The following ZNF83 variants were observed in gnomAD, a reference collection of about 807,000 sequenced individuals.
ZNF83 encodes zinc finger protein 816B.
For missense variants in ZNF83, 552 were observed against 629.9 expected, an observed-to-expected ratio of 0.88 and a Z score of 1.32; for synonymous variants, 209 against 213.0, an observed-to-expected ratio of 0.98 and a Z score of 0.17.
At chr19:52,690,054 C>G (rs1017301651) in intron 1 of ZNF83, among the ~76,000 whole-genome samples, 1 of 152,156 alleles carries the variant, frequency 6.6e-6, no homozygotes, top group African/African-American at 2.4e-5. Context: ...CTCCCCGGGA[C>G]AGGGGCCGCG....
chr19:52,624,353 A>T (rs2060658127), intron 2 of ZNF83, among the ~76,000 whole-genome samples: 1 of 152,310 alleles, frequency 6.6e-6, no homozygotes, highest in Admixed American at 6.5e-5. Context: ...GAAAACATGC[A>T]TGCTATCCCT....
chr19:52,656,212 C>CAT (rs2061502341), intron 2 of ZNF83, among the ~76,000 whole-genome samples: 1 of 93,922 alleles, frequency 1.1e-5, no homozygotes, highest in Non-Finnish European at 2.2e-5. Context: ...GACTCCGTCT[C>CAT]TCTCTCTCTC....
chr19:52,617,261 T>A (rs1355919054), intron 2 of ZNF83: 3 of 152,204 alleles, frequency 2.0e-5, no homozygotes, highest in Non-Finnish European at 4.4e-5. Flanking sequence ...CACTTGGTAA[T>A]CCTTCCTAGA....
chr19:52,627,290 G>GTCTC (rs2060777684), intron 2 of ZNF83, among the ~76,000 whole-genome samples: 1 of 152,110 alleles, frequency 6.6e-6, no homozygotes, highest in Admixed American at 6.5e-5. Flanking sequence ...CTATTTGGTG[G>GTCTC]TCTCTTCACA....
At chr19:52,689,075 G>C (rs1260393098) in intron 1 of ZNF83, among the ~76,000 whole-genome samples, 1 of 151,870 alleles carries the variant, frequency 6.6e-6, no homozygotes, top group Admixed American at 6.6e-5. Context: ...CTTTGATGCA[G>C]CTACAAGGCC....
At chr19:52,688,356 A>G (rs2062083262) in intron 1 of ZNF83, among the ~76,000 whole-genome samples, 1 of 148,216 alleles carries the variant, frequency 6.7e-6, no homozygotes, top group Admixed American at 6.7e-5. Context: ...TTTTTTTGGC[A>G]GAGATAAGGA....
chr19:52,621,611 C>T (rs2060550651), intron 2 of ZNF83, among the ~76,000 whole-genome samples: 2 of 152,038 alleles, frequency 1.3e-5, no homozygotes, highest in Non-Finnish European at 2.9e-5. Context: ...CTCTACCCCT[C>T]TTTTCTCTAA....
exon 3 of ZNF83, chr19:52,613,425 T>G: frequency 6.2e-7 from 1 of 1,613,688 alleles, no homozygotes; most frequent in Non-Finnish European, 8.5e-7. Context: ...GACTGAATGC[T>G]TTGTCACATT....
In ZNF83 at chr19:52,684,511, T is replaced by C. The variant is rs369785814; in HGVS notation, c.-283+5932A>G. Among the ~76,000 whole-genome samples the C allele has an allele frequency of 2.0e-4, 28 of 142,648 alleles. No individual in the cohort carries two copies. The South Asian group carries it at 5.3e-3, about 27-fold the overall frequency. 93.6% of individuals were successfully genotyped at this position (142,648 alleles called of 152,430 possible). ...TTGCAGTGAGCCAAGATCACAAGAG[T>C]GCACTCATAGTTTGGACAATAGAGT... On this transcript the variant is annotated intron_variant, in intron 1 of 5. Transcript: ENST00000594682.
intron 1 of ZNF83, among the ~76,000 whole-genome samples, chr19:52,676,868 A>G (rs1335323657): frequency 7.5e-6 from 1 of 132,456 alleles, no homozygotes; most frequent in African/African-American, 3.1e-5. Flanking sequence ...GTGTCCACTC[A>G]GGGTTAAATG....
In ZNF83 at chr19:52,653,987, G is replaced by A. The variant is rs555475585; in HGVS notation, c.-74+1574C>T. Reference sequence around the variant, plus strand: ...TTCTTCCCATACCTATTAGAAATATGGGTTTTGAGCCTACAAGAAATTCTT... The same window carrying A: ...TTCTTCCCATACCTATTAGAAATATAGGTTTTGAGCCTACAAGAAATTCTT... On this transcript the variant is annotated intron_variant, in intron 3 of 5. Transcript: ENST00000594682. 1.2e-5 allele frequency: 17 copies of A among 1,429,556 alleles called. No individual in the cohort carries two copies. In the African/African-American group the frequency reaches 2.3e-4, roughly 19 times the overall value. 88.6% of individuals were successfully genotyped at this position (1,429,556 alleles called of 1,614,324 possible). A position where few individuals can be genotyped will look rare whatever the true frequency, so the allele number is the denominator to read the frequency against.
intron 2 of ZNF83, among the ~76,000 whole-genome samples, chr19:52,620,657 CAAAG>C (rs903734693): frequency 2.6e-5 from 4 of 152,186 alleles, no homozygotes; most frequent in African/African-American, 7.2e-5. Context: ...TTACTAAACA[CAAAG>C]AAGAAAACAA....
At chr19:52,671,478 C>A (rs1197803855) in intron 1 of ZNF83, among the ~76,000 whole-genome samples, 1 of 151,362 alleles carries the variant, frequency 6.6e-6, no homozygotes, top group Non-Finnish European at 1.5e-5. Flanking sequence ...GGACCTAGTT[C>A]TGTCACCCCG....
upstream of ZNF83, among the ~76,000 whole-genome samples, chr19:52,639,416 T>TTTTTTTC (rs1555786090): frequency 0.015 from 760 of 49,078 alleles, 8 homozygotes; most frequent in Non-Finnish European, 0.018. Context: ...GTTTTTTCTA[T>TTTTTTTC]TTTTTTTTTT....
chr19:52,668,095 C>T (rs2061678078), intron 1 of ZNF83, among the ~76,000 whole-genome samples: 1 of 152,210 alleles, frequency 6.6e-6, no homozygotes, highest in East Asian at 1.9e-4. Flanking sequence ...CCTCCACCTT[C>T]TCTTCCTTTA....
At chr19:52,667,507 T>C (rs1235666902) in intron 1 of ZNF83, among the ~76,000 whole-genome samples, 1 of 152,188 alleles carries the variant, frequency 6.6e-6, no homozygotes, top group East Asian at 1.9e-4. Context: ...GTAAGGAAAG[T>C]AAAATATACT....
chr19:52,647,012 G>T (rs1379672558), intron 3 of ZNF83, among the ~76,000 whole-genome samples: 1 of 152,056 alleles, frequency 6.6e-6, no homozygotes, highest in African/African-American at 2.4e-5. Flanking sequence ...TAGCTTTCTG[G>T]ATGTGAGTCC....
At chr19:52,625,605 C>T (rs147668096) in intron 2 of ZNF83, among the ~76,000 whole-genome samples, 1 of 152,180 alleles carries the variant, frequency 6.6e-6, no homozygotes, top group East Asian at 1.9e-4. Flanking sequence ...CTCCGTATTA[C>T]AGACAAGACA....
At chr19:52,669,704 T>C (rs2061697694) in intron 1 of ZNF83, among the ~76,000 whole-genome samples, 2 of 152,124 alleles carry the variant, frequency 1.3e-5, no homozygotes, top group African/African-American at 2.4e-5. Flanking sequence ...AGTGGTTCGG[T>C]AGATGGAAAA....
Sources: gnomAD v4.1 joint callset for allele counts (sites outside exome capture counted in the v4.1 genomes callset) on GRCh38, gnomAD v4.1.1 for gene constraint, MANE v1.5 for transcripts, NCBI Gene and HGNC (gene_info 2026-07-23, HGNC 2026-07-21) for gene names.